Variants in PLOD1 observed in about 807,000 individuals in gnomAD.
PLOD1 encodes the protein procollagen-lysine,2-oxoglutarate 5-dioxygenase 1, also known as lysine hydroxylase.
In PLOD1, 70 loss-of-function variants were observed where a neutral mutation model predicts 94.7. The ratio of observed to expected loss-of-function variants is 0.74; its 90% CI spans 0.61 to 0.90. The LOEUF is 0.90. PLOD1 is among the 40% of genes least tolerant of loss of function. The pLI, the probability that PLOD1 is intolerant of heterozygous loss-of-function variation, is 0.00. For synonymous variants in PLOD1, 417 were observed against 400.2 expected (o/e 1.04, Z -0.50); for missense variants, 905 against 972.7 (o/e 0.93, Z 0.93).
chr1:11,940,178 A>G (rs925682790), intron 1 of PLOD1, among the ~76,000 whole-genome samples: 2 of 152,104 alleles, frequency 1.3e-5, no homozygotes, highest in African/African-American at 4.8e-5. Context: ...GCGTGCCACC[A>G]TGTCTGGCTA....
rs1312338620 is a variant in PLOD1, at chr1:11,934,796, T to C, written c.17T>C (p.Leu6Pro). The C allele has an allele frequency of 1.3e-6, 2 of 1,540,224 alleles. No homozygotes were observed. Among genetic ancestry groups the C allele is most frequent in the African/African-American group, 1.4e-5 (1 of 72,566 alleles). MRPLLLLALLGWLLLA... is the reference protein window; with the variant it reads MRPLLPLALLGWLLLA... ...ACCTCGGCCATGCGGCCCCTGCTGC[T>C]ACTGGCCCTGCTGGGCTGGCTGCTG... Residue 6 changes from leucine (L) to proline (P), a missense_variant, in exon 1 of 19, where the codon CTA becomes CCA. Coordinates refer to ENST00000196061, the MANE Select transcript of PLOD1 (RefSeq NM_000302.4).
chr1:11,956,890 G>C (rs754378337), intron 6 of PLOD1, 27 bp from the exon 7 acceptor site: 30 of 1,516,396 alleles, frequency 2.0e-5, no homozygotes, highest in Non-Finnish European at 2.7e-5. Context: ...TCTGATGCTG[G>C]GTGGGACTGT....
intron 3 of PLOD1, 134 bp from the exon 4 acceptor site, chr1:11,950,223 C>G: frequency 1.1e-6 from 1 of 882,126 alleles, no homozygotes; most frequent in Non-Finnish European, 1.8e-6. Context: ...GTCCATTTCC[C>G]AGATGGTGGC....
At chr1:11,965,319 C>T (rs1374924392) in intron 13 of PLOD1, among the ~76,000 whole-genome samples, 161 bp from the exon 14 acceptor site, 1 of 151,830 alleles carries the variant, frequency 6.6e-6, no homozygotes, top group Non-Finnish European at 1.5e-5. Context: ...GGGCTGGGCC[C>T]TGGGGACATA....
chr1:11,934,755 G>A lies in PLOD1; in HGVS notation c.-25G>A, dbSNP rs1199101188. ...CAGCCCTGCGAGCGCCGCCGGGTCG[G>A]CCGATCGTCCCCCATACCTCGGCCA... On this transcript the variant is annotated 5_prime_UTR_variant, in exon 1 of 19. Coordinates refer to ENST00000196061, the MANE Select transcript of PLOD1 (RefSeq NM_000302.4). The A allele has an allele frequency of 6.6e-7, 1 of 1,523,456 alleles. No individual in the cohort carries two copies. The highest frequency in any genetic ancestry group is 8.8e-7 in the Non-Finnish European group (1 of 1,141,454). 94.4% of individuals were successfully genotyped at this position (1,523,456 alleles called of 1,614,324 possible).
intron 12 of PLOD1, 27 bp downstream of exon 12, chr1:11,964,327 T>TCAGACCTGGGGGGGGGGGGGGGGGG: frequency 1.8e-6 from 1 of 546,372 alleles, no homozygotes. Flanking sequence ...TGGGGGTGGG[T>TCAGACCTGGGGGGGGGGGGGGGGGG]GGGGGACACC....
At position 11,939,586 on chromosome 1, in the gene PLOD1, C is replaced by T. The variant is rs1645602445; in HGVS notation, c.76+4731C>T. 2.6e-5 allele frequency among the ~76,000 whole-genome samples: 4 copies of T among 152,126 alleles called. No individual in the cohort carries two copies. In the South Asian group the frequency reaches 8.3e-4, roughly 32 times the overall value. ...CATACGCACACCCCAACCAAGCCCT[C>T]ACCGTCAGTCTCTCCACATCATTCT... On this transcript the variant is annotated intron_variant, in intron 1 of 18. Coordinates refer to ENST00000196061, the MANE Select transcript of PLOD1 (RefSeq NM_000302.4).
At chr1:11,947,252 A>AAAAAC (rs200663729) in intron 1 of PLOD1, among the ~76,000 whole-genome samples, 20 of 150,514 alleles carry the variant, frequency 1.3e-4, no homozygotes, top group African/African-American at 4.7e-4. Context: ...AAAAAAAACA[A>AAAAAC]AAACAAACAA....
At chr1:11,946,509 C>T (rs1193833169) in intron 1 of PLOD1, among the ~76,000 whole-genome samples, 1 of 152,188 alleles carries the variant, frequency 6.6e-6, no homozygotes, top group Non-Finnish European at 1.5e-5. Context: ...CCATGTGATA[C>T]TCAGCAAGAA....
At chr1:11,947,939 C>A in intron 1 of PLOD1, 37 bp from the exon 2 acceptor site, 1 of 1,343,782 alleles carries the variant, frequency 7.4e-7, no homozygotes, top group Non-Finnish European at 1.1e-6. Context: ...CTCCCTCATC[C>A]TCCATTCCCA....
At chr1:11,950,994 A>G (rs557527290) in intron 4 of PLOD1, among the ~76,000 whole-genome samples, 22 of 152,054 alleles carry the variant, frequency 1.4e-4, no homozygotes, top group African/African-American at 4.1e-4. Context: ...GGGTATCGCC[A>G]TGTTGGCCAG....
intron 16 of PLOD1, among the ~76,000 whole-genome samples, chr1:11,968,926 C>T (rs576854570): frequency 6.0e-5 from 9 of 150,442 alleles, no homozygotes; most frequent in East Asian, 3.9e-4. Flanking sequence ...GGTGCGATCT[C>T]GGCTCACTGA....
intron 1 of PLOD1, among the ~76,000 whole-genome samples, chr1:11,947,055 G>A (rs558446069): frequency 2.6e-5 from 4 of 152,154 alleles, no homozygotes; most frequent in East Asian, 3.9e-4. Flanking sequence ...GATCATTTGC[G>A]GTCAGGAGTT....
chr1:11,960,180 C>T (rs1050566537), intron 9 of PLOD1, among the ~76,000 whole-genome samples: 5 of 152,138 alleles, frequency 3.3e-5, no homozygotes, highest in African/African-American at 4.8e-5. Flanking sequence ...CCATCTTGGC[C>T]AGGCTAGTCT....
chr1:11,939,373 G>A (rs557965614), intron 1 of PLOD1, among the ~76,000 whole-genome samples: 2 of 152,220 alleles, frequency 1.3e-5, no homozygotes, highest in South Asian at 2.1e-4. Flanking sequence ...GGAGGGGAGA[G>A]GGCGGAAGGG....
chr1:11,955,468 T>G (rs1394568523), intron 6 of PLOD1, among the ~76,000 whole-genome samples: 1 of 152,192 alleles, frequency 6.6e-6, no homozygotes, highest in Admixed American at 6.5e-5. Context: ...ATCCACTGAT[T>G]GCTGATTTTG....
intron 4 of PLOD1, 31 bp from the exon 5 acceptor site, chr1:11,952,592 C>A: frequency 6.6e-7 from 1 of 1,514,904 alleles, no homozygotes; most frequent in Non-Finnish European, 9.2e-7. Flanking sequence ...GCTAAGGGTC[C>A]GTCTTGGTGT....
intron 12 of PLOD1, 87 bp downstream of exon 12, chr1:11,964,387 G>A (rs1271277755): frequency 1.0e-5 from 14 of 1,374,416 alleles, no homozygotes; most frequent in African/African-American, 8.5e-5. Context: ...TATTATTCCT[G>A]TTCTTGTTAC....
Position 11,934,733 on chromosome 1 carries a change from C to CCCTG in PLOD1, c.-45_-42dup, listed in dbSNP as rs1645565064. The CCCTG allele has an allele frequency of 6.6e-7, 1 of 1,517,562 alleles. No homozygotes were observed. Among genetic ancestry groups the CCCTG allele is most frequent in the Non-Finnish European group, 8.8e-7 (1 of 1,139,774 alleles). 94.0% of individuals were successfully genotyped at this position (1,517,562 alleles called of 1,614,324 possible). On this transcript the variant is annotated 5_prime_UTR_variant, in exon 1 of 19. Transcript: ENST00000196061. ...TGCGGCCCCGTCGCGAAGTTTCCAG[C>CCCTG]CCTGCGAGCGCCGCCGGGTCGGCCG... is the stretch of plus-strand genomic sequence containing the variant.
Sources: allele counts gnomAD v4.1 joint callset (sites outside exome capture counted in the v4.1 genomes callset), GRCh38; gene constraint gnomAD v4.1.1; transcripts MANE v1.5; gene names NCBI Gene and HGNC (gene_info 2026-07-23, HGNC 2026-07-21).